SPTA1: variants seen among roughly 807,000 people sequenced by gnomAD.
The protein encoded by SPTA1 is spectrin alpha, erythrocytic 1, also known as spectrin alpha chain, erythrocytic 1.
A neutral mutation model predicts 324.7 loss-of-function variants in SPTA1; 177 were observed. The ratio of observed to expected loss-of-function variants is 0.55; its 90% CI spans 0.48 to 0.62. SPTA1 has a LOEUF of 0.62. SPTA1 is among the 20% of genes least tolerant of loss of function. SPTA1 has a pLI of 0.00. For synonymous variants in SPTA1, 1,195 were observed against 1,041.3 expected (o/e 1.15, Z -2.84); for missense variants, 3,162 against 2,883.6 (o/e 1.10, Z -2.21).
chr1:158,666,081 A>C (rs1295010376), intron 16 of SPTA1, among the ~76,000 whole-genome samples: 1 of 152,046 alleles, frequency 6.6e-6, no homozygotes, highest in Non-Finnish European at 1.5e-5. Context: ...TTTACTAAAA[A>C]TTTCGAATTT....
intron 8 of SPTA1, 39 bp from the exon 9 acceptor site, chr1:158,674,714 C>T (rs372349596): frequency 6.3e-5 from 102 of 1,610,518 alleles, no homozygotes; most frequent in Non-Finnish European, 8.3e-5. Context: ...AAGGAGAAAC[C>T]AGATATGAAA....
chr1:158,612,557 G>A (rs1236036097), intron 51 of SPTA1: 11 of 424,954 alleles, frequency 2.6e-5, no homozygotes, highest in Admixed American at 1.4e-4. Context: ...AATTAATGAG[G>A]AAAAAAAAAA....
At chr1:158,656,417 C>T (rs1652826955) in intron 20 of SPTA1, 147 bp downstream of exon 20, 2 of 741,634 alleles carry the variant, frequency 2.7e-6, no homozygotes, top group African/African-American at 3.5e-5. Flanking sequence ...GTGGATGCTA[C>T]AGTTCCTGCA....
In SPTA1 at chr1:158,612,865, T is replaced by C. The variant is rs1649345767; in HGVS notation, c.7086A>G (p.Gln2362=). Residue 2362 remains glutamine (Q), a synonymous_variant, in exon 51 of 52, where the codon CAA becomes CAG. Transcript: ENST00000643759. ...KSSDEIENAF[Q]ALAEGKSYIT... is the part of the protein sequence containing the mutation. ...TATATGACTTGCCCTCTGCCAGGGC[T>C]TGGAAGGCATTCTCTATTTCATCAC... 6.2e-7 allele frequency: 1 copy of C among 1,613,874 alleles called. No homozygotes were observed. The highest frequency in any genetic ancestry group is 1.3e-5 in the African/African-American group (1 of 74,930).
rs199638352 is a variant in SPTA1 at position 158,669,711 on chromosome 1, C to A, written c.1675G>T (p.Gly559Trp). ...DSENIKAIRD[G>W]LLARRDALRE... ...AAGCTCTAGGCCCTTGGACATACCC[C>A]GTCACGGATAGCCTTGATGTTCTCT... is the stretch of plus-strand genomic sequence containing the variant. The change falls in exon 13 of 52, where the codon GGG becomes TGG. Residue 559 changes from glycine (G) to tryptophan (W), a missense_variant and splice_region_variant. Physicochemically the swap from Gly to Trp is radical, Grantham distance 184. Coordinates refer to ENST00000643759, the MANE Select transcript of SPTA1 (RefSeq NM_003126.4). 1.2e-6 allele frequency: 2 copies of A among 1,614,094 alleles called. No homozygotes were observed. The highest frequency in any genetic ancestry group is 2.2e-5 in the South Asian group (2 of 91,080).
chr1:158,613,125 T>C (rs1183705963), intron 50 of SPTA1, among the ~76,000 whole-genome samples, 164 bp from the exon 51 acceptor site: 2 of 152,200 alleles, frequency 1.3e-5, no homozygotes, highest in African/African-American at 2.4e-5. Context: ...CCATTTTGGC[T>C]CCCCTTCATC....
At chr1:158,642,275 A>G (rs904919062) in intron 33 of SPTA1, 136 bp downstream of exon 33, 38 of 916,882 alleles carry the variant, frequency 4.1e-5, no homozygotes, top group Non-Finnish European at 5.6e-5. Context: ...AAACCTGCAC[A>G]TTGTGCACAT....
chr1:158,625,996 A>G, intron 42 of SPTA1, 150 bp downstream of exon 42: 1 of 643,412 alleles, frequency 1.6e-6, no homozygotes, highest in Non-Finnish European at 2.7e-6. Context: ...GAGGGAAAAA[A>G]TAATAATTAG....
intron 18 of SPTA1, 68 bp from the exon 19 acceptor site, chr1:158,657,762 G>T: frequency 6.7e-7 from 1 of 1,500,952 alleles, no homozygotes; most frequent in Non-Finnish European, 9.2e-7. Context: ...AATCCTTTTG[G>T]TACCTTGGAA....
Position 158,652,475 on chromosome 1 carries a change from A to G in SPTA1, c.3367T>C (p.Phe1123Leu). Residue 1123 changes from phenylalanine (F) to leucine (L), a missense_variant, in exon 23 of 52, where the codon TTC (phenylalanine) becomes CTC (leucine). By Grantham distance (22) the Phe-to-Leu change is conservative. Coordinates refer to ENST00000643759, the MANE Select transcript of SPTA1 (RefSeq NM_003126.4). ...VWELQKKFDE[F>L]QKDLNTNEPR... ...AGGTTCCTCTTTCTCACCTTTTGGA[A>G]CTCATCAAACTTTTTCTGCAGCTCC... 6.2e-7 allele frequency: 1 copy of G among 1,614,126 alleles called. No individual in the cohort carries two copies. The highest frequency in any genetic ancestry group is 1.1e-5 in the South Asian group (1 of 91,084).
In SPTA1 at chr1:158,674,496, A is replaced by G. The variant is rs757486917; in HGVS notation, c.1248+44T>C. The G allele has an allele frequency of 2.5e-5, 41 of 1,613,964 alleles. No homozygotes were observed. In the South Asian group the frequency reaches 4.5e-4, roughly 18 times the overall value. ...ACCTGGCATTTCTGGCATTCAGCCA[A>G]ATAACCTGCCCCCTCCTCCTACTGG... is the stretch of plus-strand genomic sequence containing the variant. On this transcript the variant is annotated intron_variant, in intron 9 of 51. Coordinates refer to ENST00000643759, the MANE Select transcript of SPTA1 (RefSeq NM_003126.4).
chr1:158,644,487 G>A (rs1235424982), intron 29 of SPTA1, 91 bp from the exon 30 acceptor site: 2 of 1,485,386 alleles, frequency 1.3e-6, no homozygotes, highest in African/African-American at 1.4e-5. Context: ...GACACAAAGG[G>A]TTTTGCAAGG....
intron 29 of SPTA1, 84 bp from the exon 30 acceptor site, chr1:158,644,480 A>G: frequency 1.9e-6 from 3 of 1,552,144 alleles, no homozygotes; most frequent in Non-Finnish European, 2.7e-6. Flanking sequence ...GGATCATGAC[A>G]CAAAGGGTTT....
intron 43 of SPTA1, among the ~76,000 whole-genome samples, chr1:158,621,191 G>T (rs1246710789): frequency 6.6e-6 from 1 of 151,452 alleles, no homozygotes; most frequent in Admixed American, 6.6e-5. Flanking sequence ...GAAAAAGCAT[G>T]AATTTTTTCA....
At chr1:158,623,804 C>T (rs1032435288) in intron 42 of SPTA1, among the ~76,000 whole-genome samples, 1 of 152,192 alleles carries the variant, frequency 6.6e-6, no homozygotes, top group Non-Finnish European at 1.5e-5. Context: ...ATTGGTACAG[C>T]AGAGACTGGA....
chr1:158,667,230 A>G (rs1283728177), intron 15 of SPTA1, among the ~76,000 whole-genome samples: 1 of 152,218 alleles, frequency 6.6e-6, no homozygotes, highest in Non-Finnish European at 1.5e-5. Flanking sequence ...GATGATGTTT[A>G]TAACAAGGGG....
intron 25 of SPTA1, among the ~76,000 whole-genome samples, chr1:158,649,073 A>C (rs1652219805): frequency 6.6e-6 from 1 of 152,170 alleles, no homozygotes; most frequent in Non-Finnish European, 1.5e-5. Context: ...ATCATCAAAA[A>C]TACATTTATA....
chr1:158,648,769 C>A lies in SPTA1; in HGVS notation c.3570-116G>T, dbSNP rs564399004. 2.9e-4 allele frequency: 314 copies of A among 1,068,808 alleles called. 1 individual carries two copies. Among genetic ancestry groups the A allele is most frequent in the Non-Finnish European group, 3.9e-4 (284 of 733,230 alleles). 66.2% of individuals were successfully genotyped at this position (1,068,808 alleles called of 1,614,324 possible). On this transcript the variant is annotated intron_variant, in intron 25 of 51. Coordinates refer to ENST00000643759, the MANE Select transcript of SPTA1 (RefSeq NM_003126.4). ...CTCACCATCCTCCCACCCACCCCCC[C>A]ACCCCAACCAATTATCATCATTGTT... is the stretch of plus-strand genomic sequence containing the variant.
Position 158,662,690 on chromosome 1 carries a change from G to A in SPTA1, c.2464+12C>T. 1 of 1,613,588 alleles carries A rather than the reference G, an allele frequency of 6.2e-7. No homozygotes were observed. The highest frequency in any genetic ancestry group is 1.7e-5 in the Admixed American group (1 of 60,032). On this transcript the variant is annotated intron_variant, in intron 17 of 51. Coordinates refer to ENST00000643759, the MANE Select transcript of SPTA1 (RefSeq NM_003126.4). ...CTTTCCTAGTGGCTCAGCCTGCTCA[G>A]GCTGTACTAACCAAGGTAGGTGGAA... is the stretch of plus-strand genomic sequence containing the variant.
Sources: gnomAD v4.1 joint callset for allele counts (sites outside exome capture counted in the v4.1 genomes callset) on GRCh38, gnomAD v4.1.1 for gene constraint, MANE v1.5 for transcripts, NCBI Gene and HGNC (gene_info 2026-07-23, HGNC 2026-07-21) for gene names.